GPHN: variants seen among roughly 807,000 people sequenced by gnomAD.
GPHN encodes the protein gephyrin.
GPHN carries 17 observed loss-of-function variants against 95.5 expected under a neutral mutation model. The observed-to-expected ratio is 0.18, with a 90% CI of 0.12 to 0.27. The LOEUF (loss-of-function observed/expected upper bound fraction) is 0.27, where lower values mean the gene tolerates loss of function less well. GPHN is among the 10% of genes least tolerant of loss of function. GPHN has a pLI of 1.00. For synonymous variants in GPHN, 320 were observed against 322.5 expected (o/e 0.99, Z 0.08); for missense variants, 660 against 978.1 (o/e 0.67, Z 4.34).
chr14:67,596,851 C>T, the GPHN span, among the ~76,000 whole-genome samples: 9 of 152,356 alleles, frequency 5.9e-5, no homozygotes, highest in South Asian at 1.2e-3. Flanking sequence ...CTCCACTTGT[C>T]CATGCTATAT....
chr14:67,531,827 G>C, the GPHN span, among the ~76,000 whole-genome samples: 83 of 141,294 alleles, frequency 5.9e-4, no homozygotes, highest in African/African-American at 2.2e-3. Flanking sequence ...AGGATTGCTT[G>C]AGCCCAGGAG....
At chr14:67,430,756 G>T in the GPHN span, among the ~76,000 whole-genome samples, 6 of 152,130 alleles carry the variant, frequency 3.9e-5, no homozygotes, top group Non-Finnish European at 5.9e-5. Flanking sequence ...ACTTTGGAGG[G>T]CCTGCTCATC....
chr14:67,517,268 G>A, the GPHN span, among the ~76,000 whole-genome samples: 116 of 152,316 alleles, frequency 7.6e-4, no homozygotes, highest in Non-Finnish European at 5.1e-4. Flanking sequence ...GTGGCCGGCG[G>A]CTGGCAGCTG....
intron 1 of GPHN, among the ~76,000 whole-genome samples, chr14:66,559,374 A>AC (rs1469147161): frequency 8.1e-6 from 1 of 123,042 alleles, no homozygotes; most frequent in Non-Finnish European, 1.7e-5. Context: ...AAGTGTTCGT[A>AC]TTTCTCCACA....
intron 4 of GPHN, among the ~76,000 whole-genome samples, chr14:66,851,009 A>C (rs1199683023): frequency 6.6e-6 from 1 of 152,086 alleles, no homozygotes; most frequent in Non-Finnish European, 1.5e-5. Flanking sequence ...TGGTAATTTT[A>C]TGTGTGATAA....
At chr14:66,578,363 A>G (rs2060991613) in intron 1 of GPHN, among the ~76,000 whole-genome samples, 1 of 151,922 alleles carries the variant, frequency 6.6e-6, no homozygotes, top group South Asian at 2.1e-4. Flanking sequence ...GGAGTTCCAG[A>G]AGGAACACAG....
chr14:66,597,987 G>A (rs2140788045), intron 1 of GPHN, among the ~76,000 whole-genome samples: 1 of 152,252 alleles, frequency 6.6e-6, no homozygotes, highest in Non-Finnish European at 1.5e-5. Context: ...TCAACATCAT[G>A]GATCAACCTG....
downstream of GPHN, among the ~76,000 whole-genome samples, chr14:67,182,096 A>C (rs1567462454): frequency 6.6e-6 from 1 of 152,082 alleles, no homozygotes; most frequent in Non-Finnish European, 1.5e-5. Flanking sequence ...AATGACTTAG[A>C]AAAAAAATAA....
intron 3 of GPHN, among the ~76,000 whole-genome samples, chr14:66,786,672 G>A (rs1294154032): frequency 6.6e-6 from 1 of 152,038 alleles, no homozygotes; most frequent in African/African-American, 2.4e-5. Context: ...AGAATTAAGT[G>A]CCACGACAAT....
intron 3 of GPHN, among the ~76,000 whole-genome samples, chr14:66,815,656 A>G (rs1595997960): frequency 3.9e-5 from 6 of 152,340 alleles, no homozygotes; most frequent in Admixed American, 3.9e-4. Flanking sequence ...AGAGCTCCTG[A>G]AGGAAGCACT....
chr14:67,364,479 C>T, the GPHN span: 3 of 290,372 alleles, frequency 1.0e-5, no homozygotes, highest in South Asian at 1.3e-4. Flanking sequence ...ATCCTTAGGT[C>T]TTGGAGTACT....
chr14:66,643,631 T>C (rs1295461021), intron 1 of GPHN, among the ~76,000 whole-genome samples: 1 of 152,022 alleles, frequency 6.6e-6, no homozygotes, highest in East Asian at 1.9e-4. Flanking sequence ...ACAAAAGGAA[T>C]GCCTATGGTA....
chr14:67,238,587 G>A, the GPHN span, among the ~76,000 whole-genome samples: 3 of 151,794 alleles, frequency 2.0e-5, no homozygotes, highest in Admixed American at 2.0e-4. Flanking sequence ...GAGTAGATTT[G>A]TTATTTGCTG....
At chr14:67,641,562 T>C in the GPHN span, among the ~76,000 whole-genome samples, 1,046 of 152,366 alleles carry the variant, frequency 6.9e-3, 11 homozygotes, top group African/African-American at 0.024. Context: ...GCTAGAACAA[T>C]GCCTGGGATC....
chr14:66,743,441 C>T (rs1437956857), intron 2 of GPHN, among the ~76,000 whole-genome samples: 2 of 152,200 alleles, frequency 1.3e-5, no homozygotes, highest in African/African-American at 4.8e-5. Context: ...CAATTTCCTT[C>T]ACTAGAGCAT....
At chr14:67,393,139 G>A in the GPHN span, 64 of 1,597,298 alleles carry the variant, frequency 4.0e-5, no homozygotes, top group Non-Finnish European at 5.3e-5. Flanking sequence ...GGCCCTGGGG[G>A]ACAGGCTCAC....
chr14:67,086,318 A>T (rs1315099167), intron 11 of GPHN, among the ~76,000 whole-genome samples: 1 of 152,176 alleles, frequency 6.6e-6, no homozygotes, highest in Non-Finnish European at 1.5e-5. Flanking sequence ...GGGTAGAGGG[A>T]ACATGAGTGG....
chr14:66,637,948 T>C (rs562566908), intron 1 of GPHN, among the ~76,000 whole-genome samples: 1 of 152,070 alleles, frequency 6.6e-6, no homozygotes, highest in East Asian at 1.9e-4. Flanking sequence ...ATTTTATGAC[T>C]TTTATTATTT....
At chr14:67,466,489 G>C in the GPHN span, among the ~76,000 whole-genome samples, 1 of 152,226 alleles carries the variant, frequency 6.6e-6, no homozygotes, top group Non-Finnish European at 1.5e-5. Context: ...ATGGATGGTT[G>C]TTGTCTAAAT....
Sources: gnomAD v4.1 joint callset for allele counts (sites outside exome capture counted in the v4.1 genomes callset) on GRCh38, gnomAD v4.1.1 for gene constraint, MANE v1.5 for transcripts, NCBI Gene and HGNC (gene_info 2026-07-23, HGNC 2026-07-21) for gene names.